UGGT1: variants seen among roughly 807,000 people sequenced by gnomAD.
UGGT1 encodes the protein UDP-glucose:glycoprotein glucosyltransferase 1.
A neutral mutation model predicts 203.9 loss-of-function variants in UGGT1; 107 were observed. The ratio of observed to expected loss-of-function variants is 0.52; its 90% CI spans 0.45 to 0.62. The LOEUF (loss-of-function observed/expected upper bound fraction) is 0.62. Among genes scored for constraint, UGGT1 ranks in the 20% least tolerant of loss-of-function variants. The pLI, the probability that UGGT1 is intolerant of heterozygous loss-of-function variation, is 0.00. For synonymous variants in UGGT1, 628 were observed against 653.5 expected (o/e 0.96, Z 0.59); for missense variants, 1,673 against 1,867.2 (o/e 0.90, Z 1.92).
chr2:128,116,118 G>T, intron 7 of UGGT1, 147 bp from the exon 8 acceptor site: 1 of 541,646 alleles, frequency 1.8e-6, no homozygotes, highest in Admixed American at 3.4e-5. Flanking sequence ...AAGGGTAATT[G>T]TGATAGTCAG....
At chr2:128,144,859 C>T (rs1689605793) in intron 17 of UGGT1, among the ~76,000 whole-genome samples, 1 of 152,176 alleles carries the variant, frequency 6.6e-6, no homozygotes, top group African/African-American at 2.4e-5. Context: ...CTGCTATTTT[C>T]AGAAAATGGC....
At chr2:128,137,748 G>C (rs1182711868) in intron 15 of UGGT1, among the ~76,000 whole-genome samples, 1 of 152,218 alleles carries the variant, frequency 6.6e-6, no homozygotes, top group Non-Finnish European at 1.5e-5. Flanking sequence ...GGTCTAGACT[G>C]ATTAATATGC....
chr2:128,169,092 G>T (rs763512223), intron 26 of UGGT1, among the ~76,000 whole-genome samples: 45 of 64,536 alleles, frequency 7.0e-4, no homozygotes, highest in Admixed American at 1.5e-3. Context: ...AAAAAAAAAA[G>T]ACAAGGACCA....
chr2:128,130,636 G>GTT lies in UGGT1; in HGVS notation c.1377+1460_1377+1461dup, dbSNP rs1688832001. ...TAATCATTTTGTGTCAGATTTAACT[G>GTT]TTTTCTTGGGGGAAGAAACAGTTTT... On this transcript the variant is annotated intron_variant, in intron 13 of 40. Coordinates refer to ENST00000259253, the MANE Select transcript of UGGT1 (RefSeq NM_020120.4). 2.0e-5 allele frequency among the ~76,000 whole-genome samples: 3 copies of GTT among 152,064 alleles called. No individual in the cohort carries two copies. The South Asian group carries it at 6.2e-4, about 32-fold the overall frequency.
chr2:128,146,014 A>T, intron 18 of UGGT1, 47 bp downstream of exon 18: 1 of 1,609,616 alleles, frequency 6.2e-7, no homozygotes, highest in South Asian at 1.1e-5. Flanking sequence ...CAGTTGGCTT[A>T]TATTTTTTGT....
chr2:128,152,807 T>C lies in UGGT1; in HGVS notation c.2040T>C (p.Asp680=). The C allele has an allele frequency of 2.5e-6, 4 of 1,612,486 alleles. No individual in the cohort carries two copies. Among genetic ancestry groups the C allele is most frequent in the Non-Finnish European group, 3.4e-6 (4 of 1,179,538 alleles). Residue 680 remains aspartate, a synonymous_variant, in exon 19 of 41, where the codon GAT becomes GAC. Transcript: ENST00000259253. Reference sequence around the variant, plus strand: ...AGGGTGAACTGCCCCATGATCAAGATGTGGTAGAGTATATCATGAATCAGC... The same window carrying C: ...AGGGTGAACTGCCCCATGATCAAGACGTGGTAGAGTATATCATGAATCAGC... ...VYLGELPHDQ[D]VVEYIMNQPN...
chr2:128,091,636 G>C, intron 1 of UGGT1: 2 of 1,397,664 alleles, frequency 1.4e-6, no homozygotes, highest in South Asian at 1.5e-5. Flanking sequence ...TCTGTTCAGC[G>C]GTCTTGAACC....
chr2:128,102,693 T>C (rs1471233762), intron 2 of UGGT1, among the ~76,000 whole-genome samples: 1 of 152,166 alleles, frequency 6.6e-6, no homozygotes, highest in African/African-American at 2.4e-5. Flanking sequence ...TTCCCTGTAA[T>C]TGTATGAAAA....
intron 11 of UGGT1, 126 bp from the exon 12 acceptor site, chr2:128,127,235 T>C: frequency 1.5e-6 from 1 of 658,084 alleles, no homozygotes; most frequent in Non-Finnish European, 2.7e-6. Context: ...CCCAACAGCA[T>C]CTTGAAGCAA....
chr2:128,121,447 C>A, intron 10 of UGGT1, 149 bp downstream of exon 10: 1 of 565,166 alleles, frequency 1.8e-6, no homozygotes, highest in Non-Finnish European at 2.9e-6. Context: ...CTCTTGTTGC[C>A]GAGGCTAGAG....
intron 37 of UGGT1, among the ~76,000 whole-genome samples, chr2:128,182,909 C>CTTTTTTTTTTTTTTTTTTTATTTTTTTT (rs372722115): frequency 8.8e-6 from 1 of 114,240 alleles, no homozygotes; most frequent in African/African-American, 3.4e-5. Flanking sequence ...TGTAACTTGG[C>CTTTTTTTTTTTTTTTTTTTATTTTTTTT]TTTTTTTTTT....
At chr2:128,141,066 A>G (rs1454148760) in intron 16 of UGGT1, among the ~76,000 whole-genome samples, 1 of 151,994 alleles carries the variant, frequency 6.6e-6, no homozygotes, top group Non-Finnish European at 1.5e-5. Flanking sequence ...GCTCACACCT[A>G]TAATTCCAGC....
intron 19 of UGGT1, 97 bp downstream of exon 19, chr2:128,153,001 G>A (rs2104711670): frequency 6.5e-7 from 1 of 1,538,332 alleles, no homozygotes; most frequent in South Asian, 1.2e-5. Context: ...ATCTTCTGCA[G>A]TGTTCAGAAG....
chr2:128,139,122 G>A (rs1448200491), intron 16 of UGGT1, among the ~76,000 whole-genome samples: 1 of 152,186 alleles, frequency 6.6e-6, no homozygotes, highest in Non-Finnish European at 1.5e-5. Context: ...AATGAAATAG[G>A]TTCAAAAGAA....
At chr2:128,091,583 GTCT>G in intron 1 of UGGT1, 168 bp downstream of exon 1, 9 of 1,441,078 alleles carry the variant, frequency 6.2e-6, no homozygotes, top group Non-Finnish European at 3.7e-6. Flanking sequence ...GCCCTCAGTG[GTCT>G]TCTTGGCAAG....
At chr2:128,111,285 G>A (rs1687836834) in intron 5 of UGGT1, among the ~76,000 whole-genome samples, 1 of 152,016 alleles carries the variant, frequency 6.6e-6, no homozygotes, top group Non-Finnish European at 1.5e-5. Flanking sequence ...AGCCCAGGAG[G>A]TAGAGACTGC....
intron 16 of UGGT1, among the ~76,000 whole-genome samples, chr2:128,141,195 A>G (rs1347629392): frequency 2.6e-5 from 4 of 151,966 alleles, no homozygotes; most frequent in Non-Finnish European, 5.9e-5. Context: ...GTGGTGGCTC[A>G]TGCCTGTAAT....
chr2:128,121,757 T>C (rs1229885134), intron 10 of UGGT1, among the ~76,000 whole-genome samples: 2 of 152,228 alleles, frequency 1.3e-5, no homozygotes, highest in Non-Finnish European at 2.9e-5. Context: ...GATGGTGCTC[T>C]GTGTCTTGAA....
At chr2:128,166,987 T>G (rs1457272149) in intron 26 of UGGT1, among the ~76,000 whole-genome samples, 1 of 152,182 alleles carries the variant, frequency 6.6e-6, no homozygotes, top group Non-Finnish European at 1.5e-5. Flanking sequence ...ATGGAGGCCC[T>G]CTCTGTTTGC....
Sources: gnomAD v4.1 joint callset for allele counts (sites outside exome capture counted in the v4.1 genomes callset) on GRCh38, gnomAD v4.1.1 for gene constraint, MANE v1.5 for transcripts, NCBI Gene and HGNC (gene_info 2026-07-23, HGNC 2026-07-21) for gene names.